Variants in GRIK1 observed in about 807,000 individuals in gnomAD.
GRIK1 encodes glutamate ionotropic receptor kainate type subunit 1.
GRIK1 carries 69 observed loss-of-function variants against 105.7 expected under a neutral mutation model. The observed-to-expected ratio is 0.65, with a 90% CI of 0.54 to 0.80. The LOEUF (loss-of-function observed/expected upper bound fraction) is 0.80, where lower values mean the gene tolerates loss of function less well. GRIK1 is among the 30% of genes least tolerant of loss of function. GRIK1 has a pLI of 0.00. For missense variants in GRIK1, 1,109 were observed against 1,167.3 expected, an observed-to-expected ratio of 0.95 and a Z score of 0.73; for synonymous variants, 438 against 431.3, an observed-to-expected ratio of 1.02 and a Z score of -0.19.
intron 1 of GRIK1, among the ~76,000 whole-genome samples, chr21:29,713,016 A>G (rs1443303712): frequency 6.6e-6 from 1 of 151,968 alleles, no homozygotes; most frequent in African/African-American, 2.4e-5. Context: ...ACATGTGCTA[A>G]TGTTTCTCTT....
In GRIK1 at chr21:29,939,508, G is replaced by A. The variant is rs2071902732; in HGVS notation, c.-8C>T. On this transcript the variant is annotated 5_prime_UTR_variant, in exon 1 of 18. Coordinates refer to ENST00000327783, the MANE Select transcript of GRIK1 (RefSeq NM_001330994.2). ...GAGTGTGCCGTGCTCCATCTTCCTAGCTTCTTAATTCATGCCGAGATACAG... is the reference window on the plus strand; with the variant it reads ...GAGTGTGCCGTGCTCCATCTTCCTAACTTCTTAATTCATGCCGAGATACAG... 6.5e-7 allele frequency: 1 copy of A among 1,539,366 alleles called. No individual in the cohort carries two copies. The highest frequency in any genetic ancestry group is 8.8e-7 in the Non-Finnish European group (1 of 1,135,996).
chr21:29,677,577 G>C (rs1372032791), intron 3 of GRIK1, among the ~76,000 whole-genome samples: 8 of 151,428 alleles, frequency 5.3e-5, no homozygotes, highest in Admixed American at 3.9e-4. Context: ...GGAGCATATG[G>C]AGGAGGAAAA....
At chr21:29,693,334 T>A (rs1057158121) in intron 2 of GRIK1, among the ~76,000 whole-genome samples, 1 of 152,242 alleles carries the variant, frequency 6.6e-6, no homozygotes, top group Non-Finnish European at 1.5e-5. Flanking sequence ...GATTACTTTT[T>A]AGGCTAGGCA....
chr21:29,895,482 T>C (rs1017409395), intron 1 of GRIK1, among the ~76,000 whole-genome samples: 2 of 152,182 alleles, frequency 1.3e-5, no homozygotes, highest in East Asian at 3.9e-4. Flanking sequence ...TACATAAAGA[T>C]TTTTTAATGG....
chr21:29,907,689 A>G (rs2070693019), intron 1 of GRIK1, among the ~76,000 whole-genome samples: 1 of 152,124 alleles, frequency 6.6e-6, no homozygotes, highest in Admixed American at 6.6e-5. Flanking sequence ...AACCTGACAA[A>G]AACAGAAAGC....
intron 3 of GRIK1, among the ~76,000 whole-genome samples, chr21:29,680,327 G>A (rs1272004707): frequency 1.3e-5 from 2 of 152,170 alleles, no homozygotes; most frequent in African/African-American, 2.4e-5. Flanking sequence ...TTCAAATGGG[G>A]AACACATTCA....
chr21:29,665,964 AT>A (rs1225125556), intron 4 of GRIK1, among the ~76,000 whole-genome samples: 2 of 152,174 alleles, frequency 1.3e-5, no homozygotes, highest in Non-Finnish European at 2.9e-5. Flanking sequence ...AATGGTAGTT[AT>A]TTTTTTCTGT....
chr21:29,627,870 G>A (rs990196908), intron 7 of GRIK1, among the ~76,000 whole-genome samples: 1 of 152,148 alleles, frequency 6.6e-6, no homozygotes, highest in Non-Finnish European at 1.5e-5. Context: ...AGGTACCCTT[G>A]GGGAATATAG....
At chr21:29,847,170 G>T (rs1424988025) in intron 1 of GRIK1, among the ~76,000 whole-genome samples, 2 of 151,734 alleles carry the variant, frequency 1.3e-5, no homozygotes, top group Non-Finnish European at 2.9e-5. Context: ...TTAGCTCTCC[G>T]CTCTTTTCTT....
intron 3 of GRIK1, among the ~76,000 whole-genome samples, chr21:29,673,655 A>G (rs363551): frequency 0.014 from 2,086 of 152,298 alleles, 39 homozygotes; most frequent in African/African-American, 0.047. Context: ...GTTGCTTTAT[A>G]TAATCTTTCA....
chr21:29,701,873 T>C (rs1177036960), intron 1 of GRIK1, among the ~76,000 whole-genome samples: 2 of 152,200 alleles, frequency 1.3e-5, no homozygotes, highest in Non-Finnish European at 1.5e-5. Context: ...TTGCTGATGA[T>C]GCATAAGTAA....
chr21:29,551,924 T>C (rs2090142681), intron 16 of GRIK1, among the ~76,000 whole-genome samples: 1 of 152,168 alleles, frequency 6.6e-6, no homozygotes, highest in African/African-American at 2.4e-5. Flanking sequence ...AAATGTGAAC[T>C]CTGACCTGGG....
intron 7 of GRIK1, among the ~76,000 whole-genome samples, chr21:29,635,033 G>T (rs1378499044): frequency 1.3e-5 from 2 of 152,168 alleles, no homozygotes; most frequent in African/African-American, 4.8e-5. Context: ...TAACAGTCCA[G>T]GTGAAAAATG....
chr21:29,658,423 TG>T (rs1387635014), intron 4 of GRIK1, among the ~76,000 whole-genome samples: 1 of 152,136 alleles, frequency 6.6e-6, no homozygotes, highest in Admixed American at 6.5e-5. Context: ...CCGCCATGCC[TG>T]GCTAATTTTT....
chr21:29,594,621 G>A (rs60193400), intron 9 of GRIK1, among the ~76,000 whole-genome samples: 1 of 152,144 alleles, frequency 6.6e-6, no homozygotes, highest in East Asian at 1.9e-4. Flanking sequence ...ACTGAGAAAA[G>A]CATTTGAAAA....
intron 13 of GRIK1, among the ~76,000 whole-genome samples, chr21:29,579,295 T>C (rs762136220): frequency 6.6e-6 from 1 of 152,226 alleles, no homozygotes; most frequent in Non-Finnish European, 1.5e-5. Flanking sequence ...TAATTCTCCA[T>C]GTTAGTTAGA....
chr21:29,654,595 A>G (rs960649444), intron 5 of GRIK1, among the ~76,000 whole-genome samples: 26 of 150,806 alleles, frequency 1.7e-4, no homozygotes, highest in African/African-American at 6.2e-4. Context: ...GATACTAGTT[A>G]AAAGAAAAAG....
At chr21:29,612,296 C>G (rs2061746197) in intron 7 of GRIK1, among the ~76,000 whole-genome samples, 1 of 152,172 alleles carries the variant, frequency 6.6e-6, no homozygotes, top group Non-Finnish European at 1.5e-5. Context: ...CTGTCCCATT[C>G]TGTTTGTTGA....
chr21:29,775,761 C>T (rs1047705104), intron 1 of GRIK1, among the ~76,000 whole-genome samples: 1 of 152,296 alleles, frequency 6.6e-6, no homozygotes, highest in African/African-American at 2.4e-5. Context: ...TAGAACTTCT[C>T]CCCAAAACCT....
Sources: allele counts gnomAD v4.1 joint callset (sites outside exome capture counted in the v4.1 genomes callset), GRCh38; gene constraint gnomAD v4.1.1; transcripts MANE v1.5; gene names NCBI Gene and HGNC (gene_info 2026-07-23, HGNC 2026-07-21).